The following IFRD1 variants were observed in gnomAD, a reference collection of about 807,000 sequenced individuals.
The protein encoded by IFRD1 is interferon-related developmental regulator 1.
IFRD1 carries 35 observed loss-of-function variants against 52.9 expected under a neutral mutation model. That is an observed-to-expected ratio of 0.66 (90% CI 0.51 to 0.88). The LOEUF (loss-of-function observed/expected upper bound fraction) is 0.88, where lower values mean the gene tolerates loss of function less well. IFRD1 is among the 40% of genes least tolerant of loss of function. The pLI is 0.00. For missense variants in IFRD1, 517 were observed against 550.8 expected, an observed-to-expected ratio of 0.94 and a Z score of 0.61; for synonymous variants, 184 against 188.4, an observed-to-expected ratio of 0.98 and a Z score of 0.19.
intron 1 of IFRD1, among the ~76,000 whole-genome samples, chr7:112,439,563 A>G (rs915952183): frequency 3.9e-5 from 6 of 152,148 alleles, no homozygotes; most frequent in Non-Finnish European, 5.9e-5. Flanking sequence ...CAGTGACTCA[A>G]AAACCTCATC....
At chr7:112,472,714 AAG>A (rs2117336944) in intron 10 of IFRD1, 50 bp from the exon 11 acceptor site, 2 of 1,090,998 alleles carry the variant, frequency 1.8e-6, no homozygotes, top group South Asian at 1.2e-5. Context: ...TCTAGTGAAA[AAG>A]AGCTATAATG....
upstream of IFRD1, among the ~76,000 whole-genome samples, chr7:112,446,649 G>C (rs553492638): frequency 2.6e-5 from 4 of 152,288 alleles, no homozygotes; most frequent in South Asian, 8.3e-4. Context: ...CTTCAGGTAG[G>C]TGTCATTTAA....
At chr7:112,462,506 C>T in intron 8 of IFRD1, 128 bp downstream of exon 8, 1 of 730,008 alleles carries the variant, frequency 1.4e-6, no homozygotes, top group South Asian at 1.5e-5. Flanking sequence ...GATTTATTTC[C>T]CTACTTCTTG....
intron 1 of IFRD1, among the ~76,000 whole-genome samples, chr7:112,427,385 T>C (rs1262070917): frequency 6.6e-6 from 1 of 152,210 alleles, no homozygotes; most frequent in Non-Finnish European, 1.5e-5. Context: ...GGCTAGCATG[T>C]TGAGGACAGC....
At chr7:112,469,002 A>C (rs903520278) in intron 9 of IFRD1, among the ~76,000 whole-genome samples, 4 of 152,254 alleles carry the variant, frequency 2.6e-5, no homozygotes, top group African/African-American at 4.8e-5. Flanking sequence ...ACTGGAGAAA[A>C]CTGAAAACTT....
chr7:112,463,938 C>A (rs114420024), intron 8 of IFRD1, among the ~76,000 whole-genome samples: 2,805 of 150,190 alleles, frequency 0.019, 97 homozygotes, highest in African/African-American at 0.066. Context: ...CACAGGATAA[C>A]CAGGAGAACT....
In IFRD1 at chr7:112,442,384, C is replaced by T. The variant is rs528457182; in HGVS notation, c.-181-8124C>T. 2.6e-4 allele frequency among the ~76,000 whole-genome samples: 39 copies of T among 152,276 alleles called. 1 individual carries two copies. The highest frequency in any genetic ancestry group is 3.4e-3 in the Middle Eastern group (1 of 294). ...AGGAGTATCTCATCATTATAGAGTA[C>T]GTGGCAGGTTACAAAGACCTTTACA... is the stretch of plus-strand genomic sequence containing the variant. On this transcript the variant is annotated intron_variant, in intron 1 of 12. Coordinates refer to the IFRD1 transcript ENST00000005558.
intron 9 of IFRD1, among the ~76,000 whole-genome samples, chr7:112,469,746 G>T (rs1287379061): frequency 6.6e-6 from 1 of 152,140 alleles, no homozygotes. Flanking sequence ...CACAAGTGAC[G>T]TTTCAGCTTA....
intron 1 of IFRD1, among the ~76,000 whole-genome samples, chr7:112,439,403 T>C (rs1413019953): frequency 6.6e-6 from 1 of 152,236 alleles, no homozygotes; most frequent in Non-Finnish European, 1.5e-5. Flanking sequence ...TTTAAAGAGA[T>C]TGTTAGATGT....
intron 11 of IFRD1, among the ~76,000 whole-genome samples, chr7:112,474,608 A>G (rs1167871660): frequency 2.6e-5 from 4 of 152,174 alleles, no homozygotes; most frequent in Non-Finnish European, 5.9e-5. Context: ...TGCATAATGT[A>G]TTGCCAAATT....
At position 112,463,859 on chromosome 7, in the gene IFRD1, C is replaced by T. The variant is rs62474581; in HGVS notation, c.906+1481C>T. Among the ~76,000 whole-genome samples the T allele has an allele frequency of 1.4e-3, 45 of 32,228 alleles. No homozygotes were observed. The Middle Eastern group carries it at 0.13, about 95-fold the overall frequency. The allele number at this position is 32,228 out of a possible 152,430, so 21.1% of individuals were successfully genotyped here. On this transcript the variant is annotated intron_variant, in intron 8 of 11. Coordinates refer to ENST00000403825, the MANE Select transcript of IFRD1 (RefSeq NM_001550.4). ...ATATATATACACATTTATATACACACACACACACACACACACACACACACA... is the reference window on the plus strand; with the variant it reads ...ATATATATACACATTTATATACACATACACACACACACACACACACACACA...
intron 1 of IFRD1, among the ~76,000 whole-genome samples, chr7:112,427,967 A>T (rs1794464260): frequency 6.6e-6 from 1 of 152,072 alleles, no homozygotes; most frequent in Non-Finnish European, 1.5e-5. Flanking sequence ...ATTACAGAGG[A>T]GGGCACCTCA....
At position 112,461,852 on chromosome 7, in the gene IFRD1, A is replaced by ATTT; in HGVS notation, c.568-5_568-3dup. 1.7e-6 allele frequency: 2 copies of ATTT among 1,187,016 alleles called. No homozygotes were observed. The highest frequency in any genetic ancestry group is 2.4e-6 in the Non-Finnish European group (2 of 833,424). The allele number at this position is 1,187,016 out of a possible 1,614,324, so 73.5% of individuals were successfully genotyped here. A position where few individuals can be genotyped will look rare whatever the true frequency, so the allele number is the denominator to read the frequency against. Reference sequence around the variant, plus strand: ...AAATCATTAATGTCTATATATATATATTTTTTTTTTTAGTGTGCAACTTGC... The same window carrying ATTT: ...AAATCATTAATGTCTATATATATATATTTTTTTTTTTTTTAGTGTGCAACTTGC... On this transcript the variant is annotated splice_polypyrimidine_tract_variant and intron_variant, in intron 5 of 11. Coordinates refer to ENST00000403825, the MANE Select transcript of IFRD1 (RefSeq NM_001550.4).
chr7:112,449,228 T>TA (rs1451457797), upstream of IFRD1, among the ~76,000 whole-genome samples: 1 of 151,914 alleles, frequency 6.6e-6, no homozygotes, highest in Non-Finnish European at 1.5e-5. Context: ...GACAGGAATT[T>TA]AAGAGTGCTA....
intron 4 of IFRD1, chr7:112,458,122 AGAT>A (rs1405534822): frequency 6.6e-6 from 1 of 152,240 alleles, no homozygotes; most frequent in African/African-American, 2.4e-5. Context: ...TTGTTGGACT[AGAT>A]GACCTTTAAA....
chr7:112,472,141 G>C lies in IFRD1; in HGVS notation c.1042-78G>C, dbSNP rs533688228. 1,241 of 1,424,042 alleles carry C rather than the reference G, an allele frequency of 8.7e-4. 2 individuals are homozygous for C. Among genetic ancestry groups the C allele is most frequent in the Non-Finnish European group, 1.1e-3 (1,156 of 1,008,264 alleles). The allele number at this position is 1,424,042 out of a possible 1,614,324, so 88.2% of individuals were successfully genotyped here. A position where few individuals can be genotyped will look rare whatever the true frequency, so the allele number is the denominator to read the frequency against. Reference sequence around the variant, plus strand: ...CATTTATCTCAGCATGTATATGACTGTTTAGAAATTGTGTTTACATAAGAT... The same window carrying C: ...CATTTATCTCAGCATGTATATGACTCTTTAGAAATTGTGTTTACATAAGAT... On this transcript the variant is annotated intron_variant, in intron 9 of 11. Transcript: ENST00000403825.
chr7:112,464,504 CTA>C (rs1795560715), intron 8 of IFRD1, among the ~76,000 whole-genome samples: 1 of 152,134 alleles, frequency 6.6e-6, no homozygotes, highest in East Asian at 1.9e-4. Context: ...GGCAACTTCT[CTA>C]TGCCTCGGTG....
At chr7:112,445,350 GTTAC>G (rs1795003436) in intron 1 of IFRD1, among the ~76,000 whole-genome samples, 2 of 152,016 alleles carry the variant, frequency 1.3e-5, no homozygotes, top group Non-Finnish European at 2.9e-5. Context: ...ACAGGTGTGA[GTTAC>G]CCCGCCCGGC....
intron 5 of IFRD1, 85 bp from the exon 6 acceptor site, chr7:112,461,781 C>A (rs1370907576): frequency 4.0e-6 from 3 of 755,002 alleles, no homozygotes; most frequent in Non-Finnish European, 6.4e-6. Flanking sequence ...AGAACATTTT[C>A]ACGTTGAATT....
Sources: gnomAD v4.1 joint callset for allele counts (sites outside exome capture counted in the v4.1 genomes callset) on GRCh38, gnomAD v4.1.1 for gene constraint, MANE v1.5 for transcripts, NCBI Gene and HGNC (gene_info 2026-07-23, HGNC 2026-07-21) for gene names.